KMT2C: variants seen among roughly 807,000 people sequenced by gnomAD.
The protein encoded by KMT2C is histone-lysine N-methyltransferase 2C.
KMT2C carries 88 observed loss-of-function variants against 507.9 expected under a neutral mutation model. The ratio of observed to expected loss-of-function variants is 0.17; its 90% CI spans 0.15 to 0.21. The LOEUF (loss-of-function observed/expected upper bound fraction) is 0.21. Ranked by LOEUF, KMT2C falls within the 10% of genes least tolerant of loss-of-function variation. KMT2C has a pLI of 1.00. For missense variants in KMT2C, 4,954 were observed against 5,957.8 expected, an observed-to-expected ratio of 0.83 and a Z score of 5.55; for synonymous variants, 2,049 against 2,080.8, an observed-to-expected ratio of 0.98 and a Z score of 0.42.
chr7:152,300,096 G>A (rs1261083862), intron 6 of KMT2C, among the ~76,000 whole-genome samples: 4 of 152,096 alleles, frequency 2.6e-5, no homozygotes, highest in Non-Finnish European at 4.4e-5. Context: ...GTCTATAATG[G>A]AGAATAATTC....
chr7:152,157,197 G>A (rs1291842246), intron 44 of KMT2C, among the ~76,000 whole-genome samples: 3 of 151,482 alleles, frequency 2.0e-5, no homozygotes, highest in Admixed American at 6.6e-5. Flanking sequence ...GTGTGGTGGT[G>A]CATGCCTGTA....
At chr7:152,330,142 C>CA (rs1336364351) in intron 3 of KMT2C, among the ~76,000 whole-genome samples, 1 of 61,422 alleles carries the variant, frequency 1.6e-5, no homozygotes, top group African/African-American at 7.0e-5. Context: ...GACGCCATCT[C>CA]AAAAAAAGGG....
chr7:152,171,203 T>A, intron 40 of KMT2C, 61 bp downstream of exon 40: 1 of 1,128,830 alleles, frequency 8.9e-7, no homozygotes, highest in Non-Finnish European at 1.3e-6. Context: ...CTCTAAAGCA[T>A]GAGTTTGCTG....
chr7:152,162,774 T>A lies in KMT2C; in HGVS notation c.10803A>T (p.Lys3601Asn). The change falls in exon 43 of 59, where the codon AAA becomes AAT. Residue 3601 changes from lysine (K) to asparagine (N), a missense_variant. Coordinates refer to ENST00000262189, the MANE Select transcript of KMT2C (RefSeq NM_170606.3). ...QLYSDIIPEEKGKKKRTRKKK... is the reference protein window; with the variant it reads ...QLYSDIIPEENGKKKRTRKKK... The stretch of plus-strand genomic sequence containing the variant: ...TCTTTCTTGTTCTTTTCTTTTTCCC[T>A]TTTTCCTCTGGGATTATATCAGAAT... 6.2e-7 allele frequency: 1 copy of A among 1,614,034 alleles called. No homozygotes were observed. The highest frequency in any genetic ancestry group is 8.5e-7 in the Non-Finnish European group (1 of 1,179,946).
intron 1 of KMT2C, among the ~76,000 whole-genome samples, chr7:152,420,352 T>C (rs2097770151): frequency 6.6e-6 from 1 of 152,180 alleles, no homozygotes; most frequent in African/African-American, 2.4e-5. Context: ...TTGGGATCCT[T>C]TGTCACCGTA....
chr7:152,138,559 G>A lies in KMT2C; in HGVS notation c.14643+237C>T. On this transcript the variant is annotated intron_variant, in intron 58 of 58. Transcript: ENST00000262189. This position sits in a 1 kb window ranked among gnomAD's most constrained non-coding sequence, Gnocchi z 4.2. ...GTGCCATGGGGATGCTGAACCCGTG[G>A]CACAGAAGGGAAGGGAGAGGTGACA... 2.5e-6 allele frequency: 1 copy of A among 406,160 alleles called. No homozygotes were observed. The highest frequency in any genetic ancestry group is 4.4e-6 in the Non-Finnish European group (1 of 226,012). 25.2% of individuals were successfully genotyped at this position (406,160 alleles called of 1,614,324 possible).
chr7:152,255,795 T>C (rs1222130872), intron 9 of KMT2C, among the ~76,000 whole-genome samples: 1 of 152,134 alleles, frequency 6.6e-6, no homozygotes, highest in Non-Finnish European at 1.5e-5. Context: ...TTTAGAAAAC[T>C]GAATAGCCAG....
intron 11 of KMT2C, 130 bp from the exon 12 acceptor site, chr7:152,251,096 T>C: frequency 3.3e-6 from 2 of 605,436 alleles, no homozygotes; most frequent in South Asian, 2.1e-5. Context: ...TCTTCAGATT[T>C]TTCTCTGTTG....
intron 6 of KMT2C, among the ~76,000 whole-genome samples, chr7:152,297,091 G>GAGAGAGAGAGAGAA (rs1554623107): frequency 6.8e-6 from 1 of 147,284 alleles, no homozygotes. Flanking sequence ...GAGAGAGAGA[G>GAGAGAGAGAGAGAA]AGAAAGAAAG....
At chr7:152,328,013 C>T (rs985993003) in intron 3 of KMT2C, among the ~76,000 whole-genome samples, 1 of 151,700 alleles carries the variant, frequency 6.6e-6, no homozygotes, top group African/African-American at 2.4e-5. Context: ...ACCTAATCTC[C>T]GTCAGGAACT....
At chr7:152,249,767 G>C (rs1177984079) in intron 13 of KMT2C, 109 bp downstream of exon 13, 1 of 211,162 alleles carries the variant, frequency 4.7e-6, no homozygotes, top group East Asian at 1.3e-4. Flanking sequence ...TTAACTAAAA[G>C]ATTTAGTTAC....
Position 152,238,729 on chromosome 7 carries a change from C to G in KMT2C, c.2630G>C (p.Ser877Thr), listed in dbSNP as rs757340270. The part of the protein sequence containing the change: ...EIFKPRQLPG[S>T]AIWSIKVGRG... ...TACCACTTTGATGCTCCAAATGGCACTGCCAGGAAGCTGCCTGGGTTTAAA... is the reference window on the plus strand; with the variant it reads ...TACCACTTTGATGCTCCAAATGGCAGTGCCAGGAAGCTGCCTGGGTTTAAA... Residue 877 changes from serine to threonine, a missense_variant, in exon 15 of 59, where the codon AGT becomes ACT. Ser to Thr is a moderately conservative substitution (Grantham distance 58). Around this residue, in one of 29 missense-constraint regions of KMT2C, gnomAD observed 62 missense variants for 137.2 expected, o/e 0.45. Coordinates refer to ENST00000262189, the MANE Select transcript of KMT2C (RefSeq NM_170606.3). The G allele has an allele frequency of 3.7e-6, 6 of 1,607,840 alleles. No individual in the cohort carries two copies. The Admixed American group carries it at 6.8e-5, about 18-fold the overall frequency.
rs759388071 is a variant in KMT2C at position 152,148,255 on chromosome 7, T to C, written c.13672A>G (p.Ile4558Val). The C allele has an allele frequency of 3.1e-6, 5 of 1,614,182 alleles. No individual in the cohort carries two copies. Among genetic ancestry groups the C allele is most frequent in the East Asian group, 2.2e-5 (1 of 44,876 alleles). Residue 4558 changes from isoleucine (I) to valine (V), a missense_variant, in exon 52 of 59, where the codon ATT (isoleucine) becomes GTT (valine). Around this residue, in one of 29 missense-constraint regions of KMT2C, gnomAD observed 221 missense variants for 304.7 expected, o/e 0.73. Coordinates refer to ENST00000262189, the MANE Select transcript of KMT2C (RefSeq NM_170606.3). This position sits in a 1 kb window ranked among gnomAD's most constrained non-coding sequence, Gnocchi z 7.1. Reference protein sequence around the residue: ...FRVGSLIFHTIGQLLPQQMQA... With the variant: ...FRVGSLIFHTVGQLLPQQMQA... The stretch of plus-strand genomic sequence containing the variant: ...ATCTGCTGTGGAAGCAGCTGACCAA[T>C]TGTGTGGAAGATGAGGCTACCCACG...
rs763484694 is a variant in KMT2C, at chr7:152,150,871, G to A, written c.12774+29C>T. 6 of 1,419,740 alleles carry A rather than the reference G, an allele frequency of 4.2e-6. No homozygotes were observed. In the African/African-American group the frequency reaches 8.5e-5, roughly 20 times the overall value. 87.9% of individuals were successfully genotyped at this position (1,419,740 alleles called of 1,614,324 possible). A position where few individuals can be genotyped will look rare whatever the true frequency, so the allele number is the denominator to read the frequency against. On this transcript the variant is annotated intron_variant, in intron 51 of 58. Coordinates refer to ENST00000262189, the MANE Select transcript of KMT2C (RefSeq NM_170606.3). ...ACACAGAAGTCACTCGTTACACATT[G>A]TTATCAGCTGAGATTATCCTAATCT...
At chr7:152,415,253 G>T (rs1589873458) in intron 1 of KMT2C, among the ~76,000 whole-genome samples, 1 of 152,192 alleles carries the variant, frequency 6.6e-6, no homozygotes, top group East Asian at 1.9e-4. Flanking sequence ...CTATTAATTA[G>T]ATAGGAAATA....
intron 22 of KMT2C, 50 bp from the exon 23 acceptor site, chr7:152,220,785 T>A (rs777951841): frequency 7.2e-7 from 1 of 1,392,114 alleles, no homozygotes; most frequent in Non-Finnish European, 1.0e-6. Context: ...CATTTCAAAT[T>A]TGACTGATTA....
Position 152,385,591 on chromosome 7 carries a change from G to A in KMT2C, c.162-26916C>T, listed in dbSNP as rs1468023789. On this transcript the variant is annotated intron_variant, in intron 1 of 58. Transcript: ENST00000262189. ...CCCGCCACTGCACTCCAGCCTGGGCGACAGAGCGAGACTCCGTCTCAAAAA... is the reference window on the plus strand; with the variant it reads ...CCCGCCACTGCACTCCAGCCTGGGCAACAGAGCGAGACTCCGTCTCAAAAA... 7.8e-5 allele frequency among the ~76,000 whole-genome samples: 6 copies of A among 76,542 alleles called. 1 individual carries two copies. The highest frequency in any genetic ancestry group is 1.0e-4 in the African/African-American group (1 of 9,934). 50.2% of individuals were successfully genotyped at this position (76,542 alleles called of 152,430 possible).
At chr7:152,237,754 C>T (rs1171510474) in intron 15 of KMT2C, among the ~76,000 whole-genome samples, 1 of 152,200 alleles carries the variant, frequency 6.6e-6, no homozygotes, top group Non-Finnish European at 1.5e-5. Context: ...GCCCCCTCAG[C>T]CTCCCAAAGT....
intron 26 of KMT2C, among the ~76,000 whole-genome samples, chr7:152,202,194 G>C (rs1330615718): frequency 6.6e-6 from 1 of 152,174 alleles, no homozygotes; most frequent in Non-Finnish European, 1.5e-5. Flanking sequence ...CTCAATGATA[G>C]TCTGTTCCAG....
Sources: gnomAD v4.1 joint callset for allele counts (sites outside exome capture counted in the v4.1 genomes callset) on GRCh38, gnomAD v4.1.1 for gene constraint, gnomAD v4.1.1 regional missense constraint, Gnocchi (gnomAD v3.1) non-coding constraint, MANE v1.5 for transcripts, NCBI Gene and HGNC (gene_info 2026-07-23, HGNC 2026-07-21) for gene names.